SBSPON: variants seen among roughly 807,000 people sequenced by gnomAD.
The protein encoded by SBSPON is somatomedin-B and thrombospondin type-1 domain-containing protein.
A neutral mutation model predicts 35.8 loss-of-function variants in SBSPON; 30 were observed. The ratio of observed to expected loss-of-function variants is 0.84; its 90% CI spans 0.63 to 1.14. The LOEUF (loss-of-function observed/expected upper bound fraction) is 1.14. SBSPON is among the 50% of genes most tolerant of loss of function. The probability of loss-of-function intolerance (pLI) is 0.00; values close to 1 mark genes in which losing one functional copy is unlikely to be tolerated. For synonymous variants in SBSPON, 136 were observed against 135.9 expected, an observed-to-expected ratio of 1.00 and a Z score of 0.00; for missense variants, 364 against 357.7, an observed-to-expected ratio of 1.02 and a Z score of -0.14.
intron 4 of SBSPON, among the ~76,000 whole-genome samples, chr8:73,069,460 G>A (rs187032229): frequency 1.2e-4 from 19 of 152,112 alleles, no homozygotes; most frequent in Admixed American, 2.6e-4. Flanking sequence ...TTGTAGACAT[G>A]GGGTTTTACC....
chr8:73,083,904 C>T (rs111592510), intron 1 of SBSPON: 141 of 152,296 alleles, frequency 9.3e-4, no homozygotes, highest in African/African-American at 3.3e-3. Flanking sequence ...TTGCTGTTTT[C>T]TTTTCTTCTT....
Position 73,069,902 on chromosome 8 carries a change from A to G in SBSPON, c.580T>C (p.Tyr194His). Residue 194 changes from tyrosine (Y) to histidine (H), a missense_variant, in exon 4 of 5, where the codon TAT becomes CAT. Coordinates refer to ENST00000297354, the MANE Select transcript of SBSPON (RefSeq NM_153225.4). ...CACACCGTGTATCCCTCTCGGAGAT[A>G]CTGCATCCATCTAGTCAAGGGCCAG... ...ENWPLTRWMQ[Y>H]LREGYTVCVD... The G allele has an allele frequency of 1.2e-6, 2 of 1,613,054 alleles. No individual in the cohort carries two copies. The highest frequency in any genetic ancestry group is 1.7e-6 in the Non-Finnish European group (2 of 1,179,110).
rs1008859922 is a variant in SBSPON, at chr8:73,081,211, G to A, written c.217C>T (p.Arg73Cys). ...CTCCATTCCCCCACGAAGCACGGGC[G>A]AGCTGAAAAACAGCACAATAGGACG... ...CFDYDRACPA[R>C]PCFVGEWSPW... Residue 73 changes from arginine to cysteine, a missense_variant and splice_region_variant, in exon 2 of 5, where the codon CGC (arginine) becomes TGC (cysteine). By Grantham distance (180) the Arg-to-Cys change is radical. Transcript: ENST00000297354. 12 of 1,575,524 alleles carry A rather than the reference G, an allele frequency of 7.6e-6. 1 individual carries two copies. Among genetic ancestry groups the A allele is most frequent in the South Asian group, 4.7e-5 (4 of 85,368 alleles).
At chr8:73,087,212 G>A (rs1810846564) in intron 1 of SBSPON, among the ~76,000 whole-genome samples, 1 of 152,128 alleles carries the variant, frequency 6.6e-6, no homozygotes, top group Admixed American at 6.6e-5. Flanking sequence ...TTGACGTATG[G>A]CCTCTGGATC....
At chr8:73,081,846 T>A (rs998519721) in intron 1 of SBSPON, among the ~76,000 whole-genome samples, 2 of 152,118 alleles carry the variant, frequency 1.3e-5, no homozygotes, top group Non-Finnish European at 2.9e-5. Context: ...GGGCTGAAGT[T>A]TAGAGATGAG....
At position 73,067,219 on chromosome 8, in the gene SBSPON, CAG is replaced by C. The variant is rs3830250; in HGVS notation, c.*120_*121del. On this transcript the variant is annotated 3_prime_UTR_variant, in exon 5 of 5. Coordinates refer to ENST00000297354, the MANE Select transcript of SBSPON (RefSeq NM_153225.4). ...GCCCCTAAATTTTCTTTCTCTACTTCAGAGTGTGGCAATGATGTGTTTGGGGA... is the reference window on the plus strand; with the variant it reads ...GCCCCTAAATTTTCTTTCTCTACTTCAGTGTGGCAATGATGTGTTTGGGGA... 1.3e-3 allele frequency: 737 copies of C among 586,388 alleles called. 4 individuals are homozygous for C. In the East Asian group the frequency reaches 0.019, roughly 15 times the overall value. The allele number at this position is 586,388 out of a possible 1,614,324, so 36.3% of individuals were successfully genotyped here.
At chr8:73,080,300 G>C (rs933092962) in intron 2 of SBSPON, among the ~76,000 whole-genome samples, 2 of 151,982 alleles carry the variant, frequency 1.3e-5, no homozygotes, top group South Asian at 4.1e-4. Context: ...GGATCACAAG[G>C]TCAGGAGATC....
Position 73,092,940 on chromosome 8 carries a change from A to C in SBSPON, c.128T>G (p.Leu43Arg), listed in dbSNP as rs1810964090. ...DPACFARGWR[L>R]DRVYGTCFCD... is the part of the protein sequence containing the mutation. ...GAAACACGTCCCGTAGACCCTGTCC[A>C]GCCTCCAGCCGCGGGCGAAGCAGGC... Residue 43 changes from leucine to arginine, a missense_variant, in exon 1 of 5, where the codon CTG (leucine) becomes CGG (arginine). By Grantham distance (102) the Leu-to-Arg change is moderately radical. Coordinates refer to ENST00000297354, the MANE Select transcript of SBSPON (RefSeq NM_153225.4). The C allele has an allele frequency of 3.7e-6, 6 of 1,607,678 alleles. No homozygotes were observed. The highest frequency in any genetic ancestry group is 5.1e-6 in the Non-Finnish European group (6 of 1,178,134).
Position 73,066,453 on chromosome 8 carries a change from C to T in SBSPON, c.*888G>A, listed in dbSNP as rs1810389011. On this transcript the variant is annotated 3_prime_UTR_variant, in exon 5 of 5. Transcript: ENST00000297354. ...TGACGTCTATGCCTTCCATAACCGA[C>T]ACACCATCCACCCCAAACATTAGAA... 6.6e-6 allele frequency: 1 copy of T among 152,138 alleles called. No homozygotes were observed. The highest frequency in any genetic ancestry group is 1.5e-5 in the Non-Finnish European group (1 of 68,038). 9.4% of individuals were successfully genotyped at this position (152,138 alleles called of 1,614,324 possible).
chr8:73,071,738 A>G (rs772967651), intron 3 of SBSPON, 42 bp downstream of exon 3: 2 of 1,209,724 alleles, frequency 1.7e-6, no homozygotes, highest in Non-Finnish European at 2.4e-6. Flanking sequence ...TGACTATACA[A>G]TTGAAAAACA....
intron 1 of SBSPON, among the ~76,000 whole-genome samples, chr8:73,092,400 A>T (rs187701662): frequency 6.6e-6 from 1 of 152,342 alleles, no homozygotes; most frequent in East Asian, 1.9e-4. Context: ...TGGGAAGATT[A>T]CACAATCCTG....
At chr8:73,072,071 A>C (rs1185320606) in intron 2 of SBSPON, among the ~76,000 whole-genome samples, 5 of 152,184 alleles carry the variant, frequency 3.3e-5, no homozygotes, top group African/African-American at 1.2e-4. Flanking sequence ...GGGGGCCTGC[A>C]GGCCTTTGAC....
intron 1 of SBSPON, among the ~76,000 whole-genome samples, chr8:73,084,412 T>G (rs779050647): frequency 6.6e-6 from 1 of 152,228 alleles, no homozygotes; most frequent in Non-Finnish European, 1.5e-5. Flanking sequence ...CTCCCTCATT[T>G]CCTTTGGATT....
In SBSPON at chr8:73,077,154, C is replaced by A. The variant is rs373524584; in HGVS notation, c.409+3865G>T. On this transcript the variant is annotated intron_variant, in intron 2 of 4. Transcript: ENST00000297354. ...CTCCTGACCTCAGGTGATCCACTCA[C>A]CTCGACCTCCCAAAGTGCTGGGATT... 3.3e-5 allele frequency among the ~76,000 whole-genome samples: 5 copies of A among 152,352 alleles called. No homozygotes were observed. In the South Asian group the frequency reaches 6.2e-4, roughly 19 times the overall value.
chr8:73,074,805 G>A (rs1010460728), intron 2 of SBSPON, among the ~76,000 whole-genome samples: 2 of 152,224 alleles, frequency 1.3e-5, no homozygotes, highest in African/African-American at 4.8e-5. Context: ...AGTGGGTGCA[G>A]GGTCACCCTC....
At chr8:73,067,735 G>A (rs527546387) in intron 4 of SBSPON, among the ~76,000 whole-genome samples, 323 of 15,760 alleles carry the variant, frequency 0.02, 3 homozygotes, top group African/African-American at 0.062. Flanking sequence ...TAGGGATGGA[G>A]TTTAACTGTG....
At chr8:73,087,663 T>C (rs774101607) in intron 1 of SBSPON, among the ~76,000 whole-genome samples, 2 of 152,214 alleles carry the variant, frequency 1.3e-5, no homozygotes, top group African/African-American at 4.8e-5. Context: ...ATGGTGCCTC[T>C]TTCCCTCCAG....
intron 1 of SBSPON, among the ~76,000 whole-genome samples, chr8:73,091,683 G>A (rs1810938099): frequency 6.6e-6 from 1 of 152,162 alleles, no homozygotes; most frequent in African/African-American, 2.4e-5. Context: ...GAGCCAGAAA[G>A]GGAAAGAAGC....
At chr8:73,088,734 A>G (rs1023317295) in intron 1 of SBSPON, among the ~76,000 whole-genome samples, 1 of 152,202 alleles carries the variant, frequency 6.6e-6, no homozygotes, top group African/African-American at 2.4e-5. Flanking sequence ...GAATGGTTCT[A>G]TGAGTATAGA....
Sources: allele counts gnomAD v4.1 joint callset (sites outside exome capture counted in the v4.1 genomes callset), GRCh38; gene constraint gnomAD v4.1.1; transcripts MANE v1.5; gene names NCBI Gene and HGNC (gene_info 2026-07-23, HGNC 2026-07-21).